Variants in GATAD2B observed in about 807,000 individuals in gnomAD.
GATAD2B encodes the protein GATA zinc finger domain containing 2B, also known as transcriptional repressor p66-beta.
A neutral mutation model predicts 64.3 loss-of-function variants in GATAD2B; 8 were observed. That is an observed-to-expected ratio of 0.12 (90% CI 0.07 to 0.22). The LOEUF (loss-of-function observed/expected upper bound fraction) is 0.22. GATAD2B is among the 10% of genes least tolerant of loss of function. GATAD2B has a pLI of 1.00. For synonymous variants in GATAD2B, 281 were observed against 271.3 expected, an observed-to-expected ratio of 1.04 and a Z score of -0.35; for missense variants, 453 against 752.0, an observed-to-expected ratio of 0.60 and a Z score of 4.65.
intron 5 of GATAD2B, 111 bp from the exon 6 acceptor site, chr1:153,817,653 A>C (rs1674529398): frequency 1.5e-6 from 1 of 660,026 alleles, no homozygotes; most frequent in Non-Finnish European, 2.4e-6. Context: ...AAGTAGAAAC[A>C]CAGGAACACA....
intron 8 of GATAD2B, 54 bp downstream of exon 8, chr1:153,813,196 C>T (rs1674352154): frequency 6.9e-7 from 1 of 1,444,366 alleles, no homozygotes; most frequent in Admixed American, 1.7e-5. Context: ...AAGGCGCGAC[C>T]CTTTGGAAAA....
intron 1 of GATAD2B, among the ~76,000 whole-genome samples, chr1:153,901,179 A>G (rs1571001187): frequency 6.6e-6 from 1 of 151,602 alleles, no homozygotes; most frequent in East Asian, 1.9e-4. Context: ...GTGCCACTGA[A>G]CTCCAGCCTG....
At chr1:153,886,865 T>C (rs566845850) in intron 1 of GATAD2B, among the ~76,000 whole-genome samples, 1 of 151,974 alleles carries the variant, frequency 6.6e-6, no homozygotes, top group South Asian at 2.1e-4. Flanking sequence ...GGCCGAAAAA[T>C]AGCTGTTTTT....
intron 1 of GATAD2B, among the ~76,000 whole-genome samples, chr1:153,840,891 C>T (rs537038630): frequency 2.4e-4 from 37 of 151,940 alleles, no homozygotes; most frequent in African/African-American, 8.4e-4. Context: ...TCTGGGAGGC[C>T]GAGGAGAGCG....
chr1:153,817,256 C>A, intron 6 of GATAD2B, 116 bp downstream of exon 6: 1 of 970,910 alleles, frequency 1.0e-6, no homozygotes, highest in Non-Finnish European at 1.5e-6. Flanking sequence ...CCAAAATAAC[C>A]ATTTTTGTCC....
At chr1:153,903,385 C>T (rs1428827068) in intron 1 of GATAD2B, among the ~76,000 whole-genome samples, 5 of 152,128 alleles carry the variant, frequency 3.3e-5, no homozygotes, top group African/African-American at 1.2e-4. Flanking sequence ...GAAAAATAAA[C>T]TCATATCATT....
At chr1:153,848,888 G>A (rs930964578) in intron 1 of GATAD2B, among the ~76,000 whole-genome samples, 5 of 152,190 alleles carry the variant, frequency 3.3e-5, no homozygotes, top group African/African-American at 1.2e-4. Context: ...GGGAGGCAGA[G>A]GTTGCAGTGA....
intron 7 of GATAD2B, among the ~76,000 whole-genome samples, chr1:153,814,733 T>C (rs1216164449): frequency 1.3e-5 from 2 of 152,102 alleles, no homozygotes; most frequent in African/African-American, 4.8e-5. Flanking sequence ...CACAGCACTT[T>C]GGGAAGCCGA....
chr1:153,871,043 T>C (rs1318686769), intron 1 of GATAD2B, among the ~76,000 whole-genome samples: 3 of 151,724 alleles, frequency 2.0e-5, no homozygotes, highest in Non-Finnish European at 2.9e-5. Context: ...GGATTACAGA[T>C]GGGTGCTACC....
At chr1:153,819,521 T>C in intron 3 of GATAD2B, 85 bp downstream of exon 3, 1 of 1,006,788 alleles carries the variant, frequency 9.9e-7, no homozygotes, top group Non-Finnish European at 1.5e-6. Flanking sequence ...GAGTAAATAG[T>C]CAAAAAACAG....
chr1:153,840,423 C>T (rs1299425942), intron 1 of GATAD2B, among the ~76,000 whole-genome samples: 4 of 151,984 alleles, frequency 2.6e-5, no homozygotes, highest in South Asian at 2.1e-4. Context: ...CCGCAACCTC[C>T]GCCTCCTGGG....
chr1:153,907,708 G>A (rs1268230941), intron 1 of GATAD2B, among the ~76,000 whole-genome samples: 1 of 150,008 alleles, frequency 6.7e-6, no homozygotes, highest in Non-Finnish European at 1.5e-5. Context: ...GCGTGAGCTC[G>A]GCTCACTGCA....
At chr1:153,905,062 TC>T (rs1444353011) in intron 1 of GATAD2B, among the ~76,000 whole-genome samples, 1 of 152,066 alleles carries the variant, frequency 6.6e-6, no homozygotes, top group Non-Finnish European at 1.5e-5. Flanking sequence ...GCCAGGCTGG[TC>T]TCGAACTCCT....
intron 2 of GATAD2B, among the ~76,000 whole-genome samples, chr1:153,823,726 G>C (rs533359379): frequency 2.1e-5 from 3 of 145,466 alleles, no homozygotes; most frequent in African/African-American, 7.6e-5. Context: ...TTTTTTTTTT[G>C]TTTTTTTGTT....
At chr1:153,915,813 T>C (rs1571011841) in intron 1 of GATAD2B, among the ~76,000 whole-genome samples, 1 of 147,338 alleles carries the variant, frequency 6.8e-6, no homozygotes, top group African/African-American at 2.5e-5. Context: ...GGTACAGAAG[T>C]AGGGCTGGAT....
intron 1 of GATAD2B, among the ~76,000 whole-genome samples, chr1:153,922,231 A>C (rs950860260): frequency 6.6e-5 from 10 of 151,434 alleles, no homozygotes; most frequent in Middle Eastern, 3.2e-3. Context: ...CGCAAACACA[A>C]GACTGAGCAG....
intron 1 of GATAD2B, among the ~76,000 whole-genome samples, chr1:153,913,367 A>G (rs1016301874): frequency 5.3e-5 from 8 of 152,186 alleles, no homozygotes; most frequent in Admixed American, 5.2e-4. Context: ...CAGAAGAGAA[A>G]CAATGGTGAG....
chr1:153,840,352 T>C (rs1005617062), intron 1 of GATAD2B, among the ~76,000 whole-genome samples: 4 of 144,608 alleles, frequency 2.8e-5, no homozygotes, highest in Non-Finnish European at 1.5e-5. Context: ...CTTATTTTTT[T>C]TTTAGGTGGA....
intron 1 of GATAD2B, among the ~76,000 whole-genome samples, chr1:153,887,368 T>C (rs1677214512): frequency 6.6e-6 from 1 of 152,198 alleles, no homozygotes; most frequent in African/African-American, 2.4e-5. Flanking sequence ...GGAAGTCAGT[T>C]TTCAATCACT....
Sources: gnomAD v4.1 joint callset for allele counts (sites outside exome capture counted in the v4.1 genomes callset) on GRCh38, gnomAD v4.1.1 for gene constraint, MANE v1.5 for transcripts, NCBI Gene and HGNC (gene_info 2026-07-23, HGNC 2026-07-21) for gene names.